Variants in CHST10 observed in about 807,000 individuals in gnomAD.
CHST10 encodes the protein HNK-1 sulfotransferase.
A neutral mutation model predicts 34.7 loss-of-function variants in CHST10; 24 were observed. That is an observed-to-expected ratio of 0.69 (90% CI 0.50 to 0.97). The LOEUF is 0.97. Ranked by LOEUF, CHST10 falls within the 50% of genes least tolerant of loss-of-function variation. The pLI, the probability that CHST10 is intolerant of heterozygous loss-of-function variation, is 0.00. For missense variants in CHST10, 402 were observed against 452.1 expected (o/e 0.89, Z 1.00); for synonymous variants, 161 against 169.3 (o/e 0.95, Z 0.38).
chr2:100,412,243 C>T (rs982266877), intron 2 of CHST10, among the ~76,000 whole-genome samples: 2 of 152,214 alleles, frequency 1.3e-5, no homozygotes, highest in Non-Finnish European at 2.9e-5. Flanking sequence ...GGGTGCTCCA[C>T]ATCCCATCAT....
chr2:100,397,564 G>A (rs1675117059), intron 5 of CHST10, among the ~76,000 whole-genome samples: 1 of 152,100 alleles, frequency 6.6e-6, no homozygotes, highest in African/African-American at 2.4e-5. Flanking sequence ...TGGGGATGTC[G>A]GACAGAGTGG....
At position 100,414,922 on chromosome 2, in the gene CHST10, G is replaced by A. The variant is rs1446781623; in HGVS notation, c.-33+119C>T. 5.5e-6 allele frequency: 3 copies of A among 547,792 alleles called. No individual in the cohort carries two copies. In the Admixed American group the frequency reaches 1.2e-4, roughly 22 times the overall value. The allele number at this position is 547,792 out of a possible 1,614,324, so 33.9% of individuals were successfully genotyped here. A position where few individuals can be genotyped will look rare whatever the true frequency, so the allele number is the denominator to read the frequency against. Reference sequence around the variant, plus strand: ...ATTATATTTAAGGAAACGTTTCTAAGCACACATTTACATACTCCTAATCAA... The same window carrying A: ...ATTATATTTAAGGAAACGTTTCTAAACACACATTTACATACTCCTAATCAA... On this transcript the variant is annotated intron_variant, in intron 2 of 6. Transcript: ENST00000264249.
intron 3 of CHST10, among the ~76,000 whole-genome samples, chr2:100,406,083 GC>G (rs1471678546): frequency 2.6e-5 from 4 of 152,220 alleles, no homozygotes; most frequent in Non-Finnish European, 5.9e-5. Context: ...GTAAAGGAGA[GC>G]TAAGAAAGCC....
chr2:100,417,338 G>T (rs1573208569), intron 1 of CHST10, 36 bp downstream of exon 1: 3 of 345,280 alleles, frequency 8.7e-6, no homozygotes, highest in South Asian at 6.7e-5. Context: ...GGGCCCAGGC[G>T]CTGAAACCCA....
Position 100,402,559 on chromosome 2 carries a change from C to G in CHST10, c.192+5G>C. 1 of 1,612,886 alleles carries G rather than the reference C, an allele frequency of 6.2e-7. No homozygotes were observed. Among genetic ancestry groups the G allele is most frequent in the Non-Finnish European group, 8.5e-7 (1 of 1,179,354 alleles). Reference sequence around the variant, plus strand: ...GGACAAGGACCACGGCCTGGCTGTGCCCACCTTCAGTTCCTCAGGAATGTG... The same window carrying G: ...GGACAAGGACCACGGCCTGGCTGTGGCCACCTTCAGTTCCTCAGGAATGTG... On this transcript the variant is annotated splice_donor_5th_base_variant and intron_variant, in intron 4 of 6. Transcript: ENST00000264249.
chr2:100,396,242 C>T (rs1366183078), intron 5 of CHST10, among the ~76,000 whole-genome samples: 1 of 151,820 alleles, frequency 6.6e-6, no homozygotes, highest in Non-Finnish European at 1.5e-5. Context: ...CAAAAGAGGA[C>T]AAGGTATGTC....
At chr2:100,399,000 C>A (rs1302844376) in intron 4 of CHST10, among the ~76,000 whole-genome samples, 1 of 152,080 alleles carries the variant, frequency 6.6e-6, no homozygotes, top group African/African-American at 2.4e-5. Flanking sequence ...GAGGGCATTC[C>A]TGAATAGCAG....
chr2:100,404,745 T>G (rs1375317390), intron 3 of CHST10, among the ~76,000 whole-genome samples: 2 of 152,228 alleles, frequency 1.3e-5, no homozygotes, highest in Non-Finnish European at 2.9e-5. Context: ...ACAAGTCTTA[T>G]TTAACTATTA....
At position 100,398,028 on chromosome 2, in the gene CHST10, T is replaced by C; in HGVS notation, c.307A>G (p.Thr103Ala). 1 of 1,613,998 alleles carries C rather than the reference T, an allele frequency of 6.2e-7. No individual in the cohort carries two copies. The highest frequency in any genetic ancestry group is 1.1e-5 in the South Asian group (1 of 91,062). The part of the protein sequence containing the change: ...RDDALKNLSH[T>A]PVSKFVLDRI... ...TCCAGGACAAACTTGGAGACAGGAG[T>C]GTGCGAGAGATTCTTCAGGGCATCA... The change falls in exon 5 of 7, where the codon ACT becomes GCT. Residue 103 changes from threonine (T) to alanine (A), a missense_variant. Physicochemically the swap from Thr to Ala is moderately conservative, Grantham distance 58 (BLOSUM62 0). Transcript: ENST00000264249.
chr2:100,411,818 C>T lies in CHST10; in HGVS notation c.-33+3223G>A, dbSNP rs187432645. On this transcript the variant is annotated intron_variant, in intron 2 of 6. Transcript: ENST00000264249. ...TTGATGGTGTGAGAGGGACATGGTG[C>T]TGTGGGGAGAAAATACAATGGGATG... 5.3e-3 allele frequency among the ~76,000 whole-genome samples: 811 copies of T among 152,244 alleles called. 4 individuals are homozygous for T. The highest frequency in any genetic ancestry group is 9.0e-3 in the Non-Finnish European group (614 of 68,018).
rs756202205 is a variant in CHST10 at position 100,392,954 on chromosome 2, G to A, written c.*291C>T. On this transcript the variant is annotated 3_prime_UTR_variant, in exon 7 of 7. Transcript: ENST00000264249. ...CTGTGTGATGCTTCCTCCCTGCTGG[G>A]CTGTCAAACTGCAAATCTTTAGCCT... is the stretch of plus-strand genomic sequence containing the variant. The A allele has an allele frequency of 1.2e-5, 5 of 407,238 alleles. No homozygotes were observed. Among genetic ancestry groups the A allele is most frequent in the Non-Finnish European group, 2.2e-5 (5 of 222,964 alleles). The allele number at this position is 407,238 out of a possible 1,614,324, so 25.2% of individuals were successfully genotyped here. A position where few individuals can be genotyped will look rare whatever the true frequency, so the allele number is the denominator to read the frequency against.
chr2:100,393,496 C>T lies in CHST10; in HGVS notation c.820G>A (p.Glu274Lys), dbSNP rs1370946560. The T allele has an allele frequency of 1.2e-6, 2 of 1,613,976 alleles. No individual in the cohort carries two copies. The highest frequency in any genetic ancestry group is 1.3e-5 in the African/African-American group (1 of 74,878). The stretch of plus-strand genomic sequence containing the variant: ...TGTCCAATCACACTGTACATTATCT[C>T]ACAGGGAGCACAGAGCTCTACATAC... ...VTYVELCAPC[E>K]IMYSVIGHHE... Residue 274 changes from glutamate to lysine, a missense_variant, in exon 7 of 7, where the codon GAG (glutamate) becomes AAG (lysine). Transcript: ENST00000264249.
At chr2:100,405,129 A>G (rs1388791618) in intron 3 of CHST10, among the ~76,000 whole-genome samples, 1 of 152,190 alleles carries the variant, frequency 6.6e-6, no homozygotes. Flanking sequence ...GCTGCCATGG[A>G]AATGTCCAAA....
intron 2 of CHST10, among the ~76,000 whole-genome samples, chr2:100,411,736 A>AG (rs1250223947): frequency 6.6e-6 from 1 of 152,224 alleles, no homozygotes; most frequent in African/African-American, 2.4e-5. Flanking sequence ...TTGTCCTTAC[A>AG]GAGCTTGTCG....
chr2:100,398,245 G>A (rs1468011184), intron 4 of CHST10, 103 bp from the exon 5 acceptor site: 1 of 789,266 alleles, frequency 1.3e-6, no homozygotes, highest in Non-Finnish European at 2.0e-6. Flanking sequence ...TTTCCATCTG[G>A]AGCCTTCTCT....
rs138883566 is a variant in CHST10 at position 100,393,272 on chromosome 2, G to A, written c.1044C>T (p.Tyr348=). Residue 348 remains tyrosine (Y), a synonymous_variant, in exon 7 of 7, where the codon TAC becomes TAT. Transcript: ENST00000264249. ...AGTTTAGCAAAAAGTCTGGTTTCTGGTACCCAAAGAGCTTAAAGTCCCCTT... is the reference window on the plus strand; with the variant it reads ...AGTTTAGCAAAAAGTCTGGTTTCTGATACCCAAAGAGCTTAAAGTCCCCTT... The part of the protein sequence containing the change: ...RFEGDFKLFG[Y]QKPDFLLN 8.8e-4 allele frequency: 1,427 copies of A among 1,614,134 alleles called. 19 individuals carry two copies. In the South Asian group the frequency reaches 0.013, roughly 14 times the overall value.
At chr2:100,403,181 A>G (rs939845151) in intron 3 of CHST10, among the ~76,000 whole-genome samples, 2 of 152,228 alleles carry the variant, frequency 1.3e-5, no homozygotes, top group Non-Finnish European at 2.9e-5. Context: ...AAATAAGTAC[A>G]TGCAAAGATG....
chr2:100,409,453 G>A (rs555197450), intron 2 of CHST10, among the ~76,000 whole-genome samples: 14 of 152,222 alleles, frequency 9.2e-5, no homozygotes, highest in African/African-American at 2.6e-4. Context: ...CCTAAGTATT[G>A]GATTTTCATT....
chr2:100,404,835 T>A (rs1039180218), intron 3 of CHST10, among the ~76,000 whole-genome samples: 1 of 152,252 alleles, frequency 6.6e-6, no homozygotes, highest in Admixed American at 6.5e-5. Context: ...TTTAACCTCA[T>A]GACCTGCCTT....
Sources: allele counts gnomAD v4.1 joint callset (sites outside exome capture counted in the v4.1 genomes callset), GRCh38; gene constraint gnomAD v4.1.1; transcripts MANE v1.5; gene names NCBI Gene and HGNC (gene_info 2026-07-23, HGNC 2026-07-21).